TCTN1: variants seen among roughly 807,000 people sequenced by gnomAD.
TCTN1 encodes tectonic family member 1, also known as tectonic-1.
A neutral mutation model predicts 65.8 loss-of-function variants in TCTN1; 58 were observed. The observed-to-expected ratio is 0.88, with a 90% CI of 0.71 to 1.10. The LOEUF (loss-of-function observed/expected upper bound fraction) is 1.10, where lower values mean the gene tolerates loss of function less well. TCTN1 is among the 50% of genes least tolerant of loss of function. The pLI is 0.00. For missense variants in TCTN1, 645 were observed against 719.4 expected (o/e 0.90, Z 1.18); for synonymous variants, 273 against 289.1 (o/e 0.94, Z 0.57).
chr12:110,632,220 T>C (rs2066282903), intron 4 of TCTN1, among the ~76,000 whole-genome samples: 1 of 152,224 alleles, frequency 6.6e-6, no homozygotes, highest in South Asian at 2.1e-4. Context: ...CATTGTCTCA[T>C]GTACCCTTCC....
At chr12:110,620,063 A>C (rs1183275405) in intron 2 of TCTN1, 107 bp downstream of exon 2, 9 of 1,534,722 alleles carry the variant, frequency 5.9e-6, no homozygotes, top group Non-Finnish European at 6.3e-6. Context: ...CCTGATTTCC[A>C]GTGTTTTACG....
In TCTN1 at chr12:110,639,758, C is replaced by T. The variant is rs895259021; in HGVS notation, c.844-625C>T. 3.3e-5 allele frequency among the ~76,000 whole-genome samples: 5 copies of T among 152,130 alleles called. No individual in the cohort carries two copies. Among genetic ancestry groups the T allele is most frequent in the Non-Finnish European group, 5.9e-5 (4 of 68,028 alleles). ...ATAGTCACAGGTTGTGCAACCATCA[C>T]CACTAATTCCGGAACATTTCCATCA... On this transcript the variant is annotated intron_variant, in intron 7 of 14. Transcript: ENST00000397659. This position sits in a 1 kb window ranked among gnomAD's most constrained non-coding sequence, Gnocchi z 4.9.
At chr12:110,614,457 A>T in intron 1 of TCTN1, 55 bp downstream of exon 1, 1 of 1,556,080 alleles carries the variant, frequency 6.4e-7, no homozygotes, top group South Asian at 1.2e-5. Flanking sequence ...TCAAGGGGAC[A>T]GCCCCGGTGA....
At chr12:110,625,005 C>T (rs1233270859) in intron 2 of TCTN1, among the ~76,000 whole-genome samples, 1 of 152,220 alleles carries the variant, frequency 6.6e-6, no homozygotes, top group African/African-American at 2.4e-5. Context: ...TGTACCATAA[C>T]TTCTAAGCAT....
intron 3 of TCTN1, among the ~76,000 whole-genome samples, chr12:110,628,557 T>G (rs1186066344): frequency 6.6e-6 from 1 of 152,072 alleles, no homozygotes; most frequent in Non-Finnish European, 1.5e-5. Flanking sequence ...GCCAGGCTGG[T>G]CTCAAACTCC....
At chr12:110,632,415 A>T in intron 4 of TCTN1, 57 bp from the exon 5 acceptor site, 1 of 1,578,396 alleles carries the variant, frequency 6.3e-7, no homozygotes. Flanking sequence ...GTGCCCAGTA[A>T]GTGTTGAATG....
At chr12:110,641,487 C>A in intron 9 of TCTN1, 55 bp from the exon 10 acceptor site, 1 of 1,512,928 alleles carries the variant, frequency 6.6e-7, no homozygotes, top group Non-Finnish European at 9.2e-7. Flanking sequence ...TTTCTTCCTG[C>A]CATTTCCTTA....
At chr12:110,634,493 A>G (rs759113300) in intron 5 of TCTN1, 177 bp from the exon 6 acceptor site, 2 of 623,592 alleles carry the variant, frequency 3.2e-6, no homozygotes, top group South Asian at 3.2e-5. Flanking sequence ...TCTGGGCAAC[A>G]CGGTGAAACC....
intron 2 of TCTN1, among the ~76,000 whole-genome samples, chr12:110,623,815 C>T (rs1375637896): frequency 6.6e-6 from 1 of 152,114 alleles, no homozygotes; most frequent in South Asian, 2.1e-4. Context: ...TCTTGAACTC[C>T]TGGCCTCAAG....
Position 110,641,045 on chromosome 12 carries a change from A to G in TCTN1, c.1000A>G (p.Thr334Ala). ...VLEVKYSLTY[T>A]DAGEVTKADL... ...TTAGGTAAAGTACAGCCTCACATAC[A>G]CAGATGCAGGTGAAGTCACCAAAGC... The change falls in exon 9 of 15, where the codon ACA (threonine) becomes GCA (alanine). Residue 334 changes from threonine (T) to alanine (A), a missense_variant. Coordinates refer to ENST00000397659, the MANE Select transcript of TCTN1 (RefSeq NM_001082538.3). 1.2e-6 allele frequency: 2 copies of G among 1,614,262 alleles called. No homozygotes were observed. The highest frequency in any genetic ancestry group is 1.7e-6 in the Non-Finnish European group (2 of 1,180,052).
chr12:110,624,941 G>A (rs966240450), intron 2 of TCTN1, among the ~76,000 whole-genome samples: 2 of 149,924 alleles, frequency 1.3e-5, no homozygotes, highest in African/African-American at 4.9e-5. Context: ...TGATCCACCC[G>A]CCTCGGCCTC....
In TCTN1 at chr12:110,614,193, G is replaced by T. The variant is rs1403463114; in HGVS notation, c.11G>T (p.Arg4Leu). Residue 4 changes from arginine (R) to leucine (L), a missense_variant, in exon 1 of 15, where the codon CGA becomes CTA. By Grantham distance (102) the Arg-to-Leu change is moderately radical. Coordinates refer to ENST00000397659, the MANE Select transcript of TCTN1 (RefSeq NM_001082538.3). ...GGGACTCCCTGGGAGATGAGGCCGC[G>T]AGGTCTCCCGCCGCTCCTGGTGGTG... is the stretch of plus-strand genomic sequence containing the variant. MRP[R>L]GLPPLLVVLL... 1 of 1,553,224 alleles carries T rather than the reference G, an allele frequency of 6.4e-7. No individual in the cohort carries two copies. The highest frequency in any genetic ancestry group is 2.4e-5 in the East Asian group (1 of 41,696).
At chr12:110,616,341 T>C (rs567811302) in intron 1 of TCTN1, 101 of 410,922 alleles carry the variant, frequency 2.5e-4, no homozygotes, top group Non-Finnish European at 4.2e-4. Flanking sequence ...AGCCTCGACC[T>C]CCTAGGCTCA....
At position 110,644,994 on chromosome 12, in the gene TCTN1, C is replaced by T. The variant is rs200935044; in HGVS notation, c.1359C>T (p.Leu453=). The T allele has an allele frequency of 4.0e-5, 64 of 1,614,216 alleles. No homozygotes were observed. In the African/African-American group the frequency reaches 5.5e-4, roughly 14 times the overall value. The part of the protein sequence containing the change: ...LRLTGALPCQ[L]VAQKVKSLLW... Reference sequence around the variant, plus strand: ...TGACTGGAGCTCTCCCGTGTCAGCTCGTAGCACAGAAGGTGAAGAGCCTGC... The same window carrying T: ...TGACTGGAGCTCTCCCGTGTCAGCTTGTAGCACAGAAGGTGAAGAGCCTGC... The change falls in exon 12 of 15, where the codon CTC becomes CTT. Residue 453 remains leucine, a synonymous_variant. Transcript: ENST00000397659. This position sits in a 1 kb window ranked among gnomAD's most constrained non-coding sequence, Gnocchi z 4.6.
At chr12:110,642,211 T>G in intron 10 of TCTN1, 38 bp from the exon 11 acceptor site, 2 of 1,613,808 alleles carry the variant, frequency 1.2e-6, no homozygotes, top group South Asian at 2.2e-5. Context: ...ACCAGGCTGC[T>G]CTAGCACTAG....
At chr12:110,622,124 C>G (rs1410997960) in intron 2 of TCTN1, among the ~76,000 whole-genome samples, 1 of 150,908 alleles carries the variant, frequency 6.6e-6, no homozygotes, top group African/African-American at 2.4e-5. Context: ...GCAACAAGAG[C>G]GAAACTCCAT....
At chr12:110,645,160 A>C in intron 12 of TCTN1, 31 bp downstream of exon 12, 1 of 1,612,210 alleles carries the variant, frequency 6.2e-7, no homozygotes, top group Non-Finnish European at 8.5e-7. Flanking sequence ...GTTCCATGCT[A>C]GTGGTCTCTG....
rs1331989530 is a variant in TCTN1 at position 110,640,297 on chromosome 12, G to A, written c.844-86G>A. On this transcript the variant is annotated intron_variant, in intron 7 of 14. Transcript: ENST00000397659. The surrounding 1 kb of genome is among the most constrained non-coding windows in gnomAD (Gnocchi z 4.9). The stretch of plus-strand genomic sequence containing the variant: ...TTCCCCCTACTTGGCCATATATCAG[G>A]GGAGGTTTCTTTCCAGTTGGTTGGT... 4 of 1,560,620 alleles carry A rather than the reference G, an allele frequency of 2.6e-6. No homozygotes were observed. The Admixed American group carries it at 5.1e-5, about 20-fold the overall frequency.
intron 3 of TCTN1, 134 bp from the exon 4 acceptor site, chr12:110,628,633 G>A (rs937207599): frequency 1.1e-5 from 9 of 833,812 alleles, no homozygotes; most frequent in East Asian, 2.7e-5. Flanking sequence ...GAGCCCATGC[G>A]CCCAGCCAAG....
Sources: allele counts gnomAD v4.1 joint callset (sites outside exome capture counted in the v4.1 genomes callset), GRCh38; gene constraint gnomAD v4.1.1; non-coding constraint Gnocchi (gnomAD v3.1); transcripts MANE v1.5; gene names NCBI Gene and HGNC (gene_info 2026-07-23, HGNC 2026-07-21).